Variants in DAB1 observed in about 807,000 individuals in gnomAD.
The protein encoded by DAB1 is disabled homolog 1.
In DAB1, 15 loss-of-function variants were observed where a neutral mutation model predicts 64.6. The observed-to-expected ratio is 0.23, with a 90% CI of 0.16 to 0.36. The LOEUF is 0.36. DAB1 is among the 10% of genes least tolerant of loss of function. The pLI, the probability that DAB1 is intolerant of heterozygous loss-of-function variation, is 1.00. For missense variants in DAB1, 596 were observed against 706.7 expected (o/e 0.84, Z 1.78); for synonymous variants, 235 against 251.9 (o/e 0.93, Z 0.64).
intron 2 of DAB1, among the ~76,000 whole-genome samples, chr1:57,153,090 A>T (rs1659850207): frequency 2.0e-5 from 3 of 152,120 alleles, no homozygotes. Flanking sequence ...CAGTGGTATG[A>T]TCTTAGCTCA....
chr1:58,325,041 G>A lies in DAB1; in HGVS notation n.309+18311C>T, dbSNP rs531337691. ...CAACATAATACACCAGGCAGCAGTC[G>A]CCAATAGGTCAGACTTGGCATATGA... On this transcript the variant is annotated intron_variant and non_coding_transcript_variant, in intron 4 of 20. Coordinates refer to the DAB1 transcript ENST00000485760. Among the ~76,000 whole-genome samples the A allele has an allele frequency of 4.6e-5, 7 of 152,266 alleles. No individual in the cohort carries two copies. The East Asian group carries it at 5.8e-4, about 13-fold the overall frequency.
chr1:57,028,477 A>T (rs1235430325), intron 9 of DAB1, among the ~76,000 whole-genome samples: 3 of 152,226 alleles, frequency 2.0e-5, no homozygotes, highest in African/African-American at 4.8e-5. Flanking sequence ...TGCTGAAAAG[A>T]TACCCAAAAA....
At chr1:57,720,954 T>C (rs545390142) in intron 6 of DAB1, among the ~76,000 whole-genome samples, 2 of 152,360 alleles carry the variant, frequency 1.3e-5, no homozygotes, top group African/African-American at 4.8e-5. Context: ...CTGATTAGCA[T>C]ATGCCATCTC....
rs1261275622 is a variant in DAB1 at position 57,717,107 on chromosome 1, T to C, written n.552-67442A>G. On this transcript the variant is annotated intron_variant and non_coding_transcript_variant, in intron 6 of 20. Transcript: ENST00000485760. ...TACAAAAATTAGCTGGGTGTGGTGG[T>C]GGGCGCCTGTAATCCCAGCTACTCT... Among the ~76,000 whole-genome samples the C allele has an allele frequency of 2.0e-5, 3 of 151,576 alleles. No homozygotes were observed. In the East Asian group the frequency reaches 5.8e-4, roughly 29 times the overall value.
chr1:58,142,095 C>T (rs1030628928), intron 5 of DAB1, among the ~76,000 whole-genome samples: 1 of 152,088 alleles, frequency 6.6e-6, no homozygotes, highest in South Asian at 2.1e-4. Flanking sequence ...CTTCAGGGAC[C>T]TTCTCTGTGG....
intron 5 of DAB1, among the ~76,000 whole-genome samples, chr1:58,066,211 A>AC (rs1180852498): frequency 6.6e-6 from 1 of 152,210 alleles, no homozygotes; most frequent in African/African-American, 2.4e-5. Flanking sequence ...TCCTCAAAAC[A>AC]ACAAATGAAT....
chr1:57,798,432 C>A (rs960269345), intron 6 of DAB1, among the ~76,000 whole-genome samples: 6 of 152,204 alleles, frequency 3.9e-5, no homozygotes, highest in African/African-American at 1.4e-4. Context: ...GTCTTCTATG[C>A]TTGCTGTGCC....
chr1:57,121,501 T>C (rs1487955778), intron 4 of DAB1, among the ~76,000 whole-genome samples: 2 of 151,976 alleles, frequency 1.3e-5, no homozygotes, highest in Non-Finnish European at 2.9e-5. Context: ...CAACTGGAAA[T>C]GCTAATTTAT....
At chr1:58,410,680 C>T (rs958719142) in intron 3 of DAB1, among the ~76,000 whole-genome samples, 5 of 152,250 alleles carry the variant, frequency 3.3e-5, no homozygotes, top group Non-Finnish European at 7.4e-5. Context: ...TGCTGTGATG[C>T]CCCCCTAATT....
chr1:57,285,212 A>G (rs548360086), intron 2 of DAB1, among the ~76,000 whole-genome samples: 1 of 152,312 alleles, frequency 6.6e-6, no homozygotes, highest in Admixed American at 6.5e-5. Context: ...AAGCCAGACT[A>G]CATTGCAGAC....
chr1:58,269,488 C>T (rs972303851), intron 4 of DAB1, among the ~76,000 whole-genome samples: 3 of 149,492 alleles, frequency 2.0e-5, no homozygotes, highest in South Asian at 2.2e-4. Flanking sequence ...TCTTTATAGC[C>T]GCATGTGTCT....
chr1:57,183,620 A>G (rs1469990930), intron 2 of DAB1, among the ~76,000 whole-genome samples: 1 of 152,188 alleles, frequency 6.6e-6, no homozygotes, highest in Non-Finnish European at 1.5e-5. Context: ...AGGAATCCCA[A>G]GATGATACTT....
chr1:57,626,067 G>T (rs1383810782), intron 7 of DAB1, among the ~76,000 whole-genome samples: 2 of 152,122 alleles, frequency 1.3e-5, no homozygotes, highest in Non-Finnish European at 2.9e-5. Flanking sequence ...TTTAGGTAAA[G>T]CTCATTATGG....
intron 2 of DAB1, among the ~76,000 whole-genome samples, chr1:57,233,550 G>C (rs1301550521): frequency 2.0e-5 from 3 of 151,940 alleles, no homozygotes; most frequent in Non-Finnish European, 2.9e-5. Flanking sequence ...CACGAGGTCA[G>C]GGGTTCGAGA....
chr1:58,037,565 G>A (rs1381161711), intron 5 of DAB1, among the ~76,000 whole-genome samples: 1 of 152,168 alleles, frequency 6.6e-6, no homozygotes, highest in East Asian at 1.9e-4. Flanking sequence ...TGCTCCTTAT[G>A]AGAATTTGAT....
intron 5 of DAB1, among the ~76,000 whole-genome samples, chr1:58,129,335 G>A (rs952300278): frequency 6.1e-5 from 9 of 148,676 alleles, no homozygotes; most frequent in Non-Finnish European, 1.2e-4. Flanking sequence ...GTGTCTATTT[G>A]ATTCTTCTCT....
chr1:58,481,065 TC>T (rs750706870), intron 3 of DAB1: 46 of 871,960 alleles, frequency 5.3e-5, no homozygotes, highest in Non-Finnish European at 8.2e-5. Flanking sequence ...GATATTTAGG[TC>T]TTCTTTCTCT....
chr1:57,702,678 A>G (rs1030188596), intron 6 of DAB1, among the ~76,000 whole-genome samples: 10 of 152,198 alleles, frequency 6.6e-5, no homozygotes, highest in Admixed American at 1.3e-4. Context: ...AGTACTTGCC[A>G]TTTGGAAGAT....
chr1:57,426,699 G>A (rs2101106874), upstream of DAB1, among the ~76,000 whole-genome samples: 2 of 152,112 alleles, frequency 1.3e-5, no homozygotes, highest in East Asian at 3.9e-4. Context: ...AGCCCATTGG[G>A]GAAGGCACTC....
Sources: gnomAD v4.1 joint callset for allele counts (sites outside exome capture counted in the v4.1 genomes callset) on GRCh38, gnomAD v4.1.1 for gene constraint, MANE v1.5 for transcripts, NCBI Gene and HGNC (gene_info 2026-07-23, HGNC 2026-07-21) for gene names.